The following IFT43 variants were observed in gnomAD, a reference collection of about 807,000 sequenced individuals.
IFT43 encodes the protein intraflagellar transport 43, also known as intraflagellar transport protein 43 homolog.
Under a neutral mutation model 32.3 loss-of-function variants are expected in IFT43, and 33 were observed. The ratio of observed to expected loss-of-function variants is 1.02; its 90% CI spans 0.77 to 1.37. The LOEUF is 1.37. Among genes scored for constraint, IFT43 ranks in the 40% most tolerant of loss-of-function variants. IFT43 has a pLI of 0.00. For synonymous variants in IFT43, 93 were observed against 98.2 expected, an observed-to-expected ratio of 0.95 and a Z score of 0.31; for missense variants, 274 against 265.9, an observed-to-expected ratio of 1.03 and a Z score of -0.21.
chr14:75,989,242 A>G (rs981588863), intron 2 of IFT43, among the ~76,000 whole-genome samples: 1 of 152,034 alleles, frequency 6.6e-6, no homozygotes, highest in African/African-American at 2.4e-5. Context: ...AGGGACTGGG[A>G]AGTTTCAAAA....
chr14:76,019,784 A>C (rs2036256357), intron 2 of IFT43, among the ~76,000 whole-genome samples: 1 of 152,058 alleles, frequency 6.6e-6, no homozygotes, highest in South Asian at 2.1e-4. Context: ...AGTTATTTCA[A>C]AAGACCTGTC....
intron 5 of IFT43, among the ~76,000 whole-genome samples, chr14:76,064,777 G>T (rs1394011080): frequency 6.6e-6 from 1 of 152,156 alleles, no homozygotes; most frequent in Non-Finnish European, 1.5e-5. Flanking sequence ...TTCTTTGGCA[G>T]AAACTTCTAA....
chr14:76,006,142 A>G lies in IFT43; in HGVS notation c.148-16185A>G, dbSNP rs1330037157. Among the ~76,000 whole-genome samples, 2 of 152,182 alleles carry G rather than the reference A, an allele frequency of 1.3e-5. 1 individual carries two copies. Among genetic ancestry groups the G allele is most frequent in the East Asian group, 3.9e-4 (2 of 5,188 alleles). On this transcript the variant is annotated intron_variant, in intron 2 of 8. Coordinates refer to ENST00000314067, the MANE Select transcript of IFT43 (RefSeq NM_001102564.3). ...GGAAGTAATGACCAGAAACATGGGT[A>G]TGAAAGAGGCCCAGCGACCAGAGCT...
At chr14:76,055,203 A>T (rs2036988186) in intron 3 of IFT43, among the ~76,000 whole-genome samples, 1 of 152,046 alleles carries the variant, frequency 6.6e-6, no homozygotes, top group Middle Eastern at 3.2e-3. Flanking sequence ...AAAATTAGCC[A>T]GGCACGGTGG....
chr14:76,000,186 A>T (rs1039372159), intron 2 of IFT43, among the ~76,000 whole-genome samples: 3 of 152,038 alleles, frequency 2.0e-5, no homozygotes, highest in Non-Finnish European at 4.4e-5. Context: ...ATTTATTTTT[A>T]AAAAATGTTT....
intron 5 of IFT43, among the ~76,000 whole-genome samples, chr14:76,078,754 G>A (rs1349620654): frequency 6.6e-6 from 1 of 152,174 alleles, no homozygotes; most frequent in Non-Finnish European, 1.5e-5. Context: ...GGGAAGCTGG[G>A]GATACCGGCT....
rs995075025 is a variant in IFT43, at chr14:75,988,900, C to A, written c.70C>A (p.Arg24Ser). 1 of 1,613,840 alleles carries A rather than the reference C, an allele frequency of 6.2e-7. No homozygotes were observed. The highest frequency in any genetic ancestry group is 8.5e-7 in the Non-Finnish European group (1 of 1,179,986). The stretch of plus-strand genomic sequence containing the variant: ...CTCCTTACAGAGGGCCAAGATGGGT[C>A]GCCGAGCTCAACAGGAGTCAGCGCA... ...SLATSRAKMG[R>S]RAQQESAQAE... is the part of the protein sequence containing the mutation. Residue 24 changes from arginine to serine, a missense_variant, in exon 2 of 9, where the codon CGC (arginine) becomes AGC (serine). Coordinates refer to ENST00000314067, the MANE Select transcript of IFT43 (RefSeq NM_001102564.3).
intron 2 of IFT43, among the ~76,000 whole-genome samples, chr14:75,992,082 C>G (rs1286081805): frequency 6.6e-6 from 1 of 152,202 alleles, no homozygotes; most frequent in African/African-American, 2.4e-5. Context: ...GTCAGACATG[C>G]TGGAGTTACT....
Position 75,991,540 on chromosome 14 carries a change from AC to A in IFT43, c.147+2568del, listed in dbSNP as rs530757773. ...TCATTAGGCCTTGAAGCCTTATATG[AC>A]CCCCATACCAAATCAGCTCCTAGGC... On this transcript the variant is annotated intron_variant, in intron 2 of 8. Transcript: ENST00000314067. 9.2e-5 allele frequency among the ~76,000 whole-genome samples: 14 copies of A among 151,656 alleles called. No individual in the cohort carries two copies. The South Asian group carries it at 2.5e-3, about 27-fold the overall frequency.
chr14:76,066,770 C>A (rs937719760), intron 5 of IFT43, among the ~76,000 whole-genome samples: 2 of 152,220 alleles, frequency 1.3e-5, no homozygotes, highest in African/African-American at 4.8e-5. Context: ...AGGGGCTGAT[C>A]ACTCTCTTAC....
intron 4 of IFT43, 162 bp from the exon 5 acceptor site, chr14:76,059,165 C>A: frequency 6.4e-7 from 1 of 1,550,586 alleles, no homozygotes; most frequent in Non-Finnish European, 8.7e-7. Context: ...CCACACACGG[C>A]ACACCCAGTG....
At chr14:76,020,461 A>G (rs964578276) in intron 2 of IFT43, among the ~76,000 whole-genome samples, 3 of 152,038 alleles carry the variant, frequency 2.0e-5, no homozygotes, top group Admixed American at 6.5e-5. Flanking sequence ...TTACATTGAT[A>G]TCTGTGTATC....
rs1364287728 is a variant in IFT43, at chr14:76,058,647, G to A, written c.221G>A (p.Arg74Lys). The change falls in exon 4 of 9, where the codon AGG (arginine) becomes AAG (lysine). Residue 74 changes from arginine (R) to lysine (K), a missense_variant. By Grantham distance (26) the Arg-to-Lys change is conservative (BLOSUM62 2). Coordinates refer to ENST00000314067, the MANE Select transcript of IFT43 (RefSeq NM_001102564.3). The part of the protein sequence containing the change: ...AGDSVKASKF[R>K]RKASEEIEDF... The stretch of plus-strand genomic sequence containing the variant: ...CTTTTCTTTTTTTTTTTCAGGTTTA[G>A]GAGGAAGGCTTCTGAAGAAATAGAA... 4.3e-6 allele frequency: 7 copies of A among 1,612,558 alleles called. No individual in the cohort carries two copies. The highest frequency in any genetic ancestry group is 5.9e-6 in the Non-Finnish European group (7 of 1,179,450).
rs577840339 is a variant in IFT43 at position 76,073,900 on chromosome 14, G to A, written c.296-8395G>A. Among the ~76,000 whole-genome samples the A allele has an allele frequency of 5.3e-5, 8 of 152,208 alleles. No individual in the cohort carries two copies. In the South Asian group the frequency reaches 1.7e-3, roughly 32 times the overall value. On this transcript the variant is annotated intron_variant, in intron 5 of 8. Transcript: ENST00000314067. ...TCATCTGATAAGAGAGCGAGCAGCA[G>A]TAAGACTCCTCATCTGTCTTATGAA...
rs762197208 is a variant in IFT43, at chr14:76,083,524, G to C, written c.574G>C (p.Asp192His). 1.2e-6 allele frequency: 2 copies of C among 1,614,174 alleles called. No individual in the cohort carries two copies. Among genetic ancestry groups the C allele is most frequent in the Non-Finnish European group, 1.7e-6 (2 of 1,180,026 alleles). Reference sequence around the variant, plus strand: ...GTCCTCAGAGGTCCTCACTGAGTGGGACCCACTGCAGACGGAGAAGGAGGA... The same window carrying C: ...GTCCTCAGAGGTCCTCACTGAGTGGCACCCACTGCAGACGGAGAAGGAGGA... ...EVSSEVLTEW[D>H]PLQTEKEDPA... The change falls in exon 9 of 9, where the codon GAC (aspartate) becomes CAC (histidine). Residue 192 changes from aspartate (D) to histidine (H), a missense_variant. By Grantham distance (81) the Asp-to-His change is moderately conservative. Coordinates refer to ENST00000314067, the MANE Select transcript of IFT43 (RefSeq NM_001102564.3).
At chr14:76,000,113 A>G (rs2035854393) in intron 2 of IFT43, among the ~76,000 whole-genome samples, 2 of 152,212 alleles carry the variant, frequency 1.3e-5, no homozygotes, top group African/African-American at 4.8e-5. Context: ...TACAGTTACA[A>G]TACATACCAC....
intron 3 of IFT43, among the ~76,000 whole-genome samples, chr14:76,035,902 A>C (rs1421047769): frequency 6.6e-6 from 1 of 152,162 alleles, no homozygotes; most frequent in East Asian, 1.9e-4. Flanking sequence ...TTTGTGTGTT[A>C]TTTTTAATTG....
intron 5 of IFT43, among the ~76,000 whole-genome samples, chr14:76,076,238 GGAAGCTGGAAAGCTAAGCCAACC>G (rs1214373107): frequency 2.0e-5 from 3 of 152,244 alleles, no homozygotes; most frequent in African/African-American, 7.2e-5. Flanking sequence ...AGCACCCTGA[GGAAGCTGGAAAGCTAAGCCAACC>G]GTTTGTATCA....
intron 3 of IFT43, among the ~76,000 whole-genome samples, chr14:76,031,624 G>A (rs1447758350): frequency 7.2e-5 from 11 of 151,998 alleles, no homozygotes; most frequent in Non-Finnish European, 1.6e-4. Context: ...AAGAAAATAA[G>A]ACAAATCCTG....
Sources: gnomAD v4.1 joint callset for allele counts (sites outside exome capture counted in the v4.1 genomes callset) on GRCh38, gnomAD v4.1.1 for gene constraint, MANE v1.5 for transcripts, NCBI Gene and HGNC (gene_info 2026-07-23, HGNC 2026-07-21) for gene names.